The following GALNT13 variants were observed in gnomAD, a reference collection of about 807,000 sequenced individuals.
The protein encoded by GALNT13 is polypeptide N-acetylgalactosaminyltransferase 13.
A neutral mutation model predicts 64.2 loss-of-function variants in GALNT13; 28 were observed. The ratio of observed to expected loss-of-function variants is 0.44; its 90% CI spans 0.32 to 0.60. The LOEUF is 0.60. Ranked by LOEUF, GALNT13 falls within the 20% of genes least tolerant of loss-of-function variation. The pLI is 0.05. For synonymous variants in GALNT13, 214 were observed against 224.6 expected (o/e 0.95, Z 0.42); for missense variants, 577 against 669.8 (o/e 0.86, Z 1.53).
intron 4 of GALNT13, among the ~76,000 whole-genome samples, chr2:154,175,758 G>T (rs1685612272): frequency 6.6e-6 from 1 of 151,876 alleles, no homozygotes; most frequent in Admixed American, 6.6e-5. Context: ...TCTATCTTGA[G>T]GTACTTCTAA....
At chr2:153,278,277 T>A in the GALNT13 span, among the ~76,000 whole-genome samples, 5 of 152,154 alleles carry the variant, frequency 3.3e-5, no homozygotes, top group Non-Finnish European at 7.4e-5. Context: ...ATGCATAGTT[T>A]GCAAATATTT....
At chr2:154,313,413 TAG>T (rs1040432702) in intron 9 of GALNT13, among the ~76,000 whole-genome samples, 1 of 28,430 alleles carries the variant, frequency 3.5e-5, no homozygotes, top group South Asian at 2.2e-3. Context: ...ATACACCCAG[TAG>T]AGATATATAT....
intron 2 of GALNT13, among the ~76,000 whole-genome samples, chr2:153,935,580 T>C (rs1410193089): frequency 1.3e-5 from 2 of 152,136 alleles, no homozygotes; most frequent in African/African-American, 2.4e-5. Context: ...TTTGTTTAGG[T>C]GGGAGGAAGG....
chr2:153,401,623 A>C, the GALNT13 span, among the ~76,000 whole-genome samples: 9 of 151,080 alleles, frequency 6.0e-5, no homozygotes, highest in African/African-American at 2.2e-4. Context: ...TATTGGGTGC[A>C]TATATATTTA....
At position 154,242,682 on chromosome 2, in the gene GALNT13, C is replaced by T. The variant is rs946257841; in HGVS notation, c.479-16C>T. On this transcript the variant is annotated splice_polypyrimidine_tract_variant and intron_variant, in intron 5 of 12. Coordinates refer to ENST00000392825, the MANE Select transcript of GALNT13 (RefSeq NM_052917.4). ...GTTTCAAAAATTTTTCTTATAAATT[C>T]TTATACATGTTACAGATTTTCTCAA... 1 of 1,566,700 alleles carries T rather than the reference C, an allele frequency of 6.4e-7. No homozygotes were observed. Among genetic ancestry groups the T allele is most frequent in the Non-Finnish European group, 8.8e-7 (1 of 1,139,118 alleles).
chr2:153,086,472 A>G, the GALNT13 span, among the ~76,000 whole-genome samples: 16 of 152,018 alleles, frequency 1.1e-4, no homozygotes, highest in Admixed American at 9.2e-4. Flanking sequence ...TACTGTTCTC[A>G]TGGTGGTGAA....
chr2:153,252,652 T>G, the GALNT13 span, among the ~76,000 whole-genome samples: 33 of 152,306 alleles, frequency 2.2e-4, no homozygotes, highest in Non-Finnish European at 4.0e-4. Flanking sequence ...TTTTGTATAA[T>G]GTGTAAGGAA....
the GALNT13 span, among the ~76,000 whole-genome samples, chr2:153,257,486 A>G: frequency 6.6e-6 from 1 of 152,112 alleles, no homozygotes; most frequent in East Asian, 2.0e-4. Flanking sequence ...TCTAACAGGT[A>G]CTCTTAAATG....
chr2:153,357,103 C>T, the GALNT13 span, among the ~76,000 whole-genome samples: 2 of 151,856 alleles, frequency 1.3e-5, no homozygotes, highest in African/African-American at 4.8e-5. Flanking sequence ...CCACCGTGCC[C>T]GACAGAGATC....
At chr2:153,412,454 A>G in the GALNT13 span, among the ~76,000 whole-genome samples, 1 of 152,128 alleles carries the variant, frequency 6.6e-6, no homozygotes, top group Non-Finnish European at 1.5e-5. Context: ...CTGTATGTGG[A>G]CTGTTTTGTT....
the GALNT13 span, among the ~76,000 whole-genome samples, chr2:153,858,249 C>T: frequency 1.3e-5 from 2 of 152,052 alleles, no homozygotes; most frequent in Non-Finnish European, 2.9e-5. Context: ...CCAAGTAGGC[C>T]CCAATGATTT....
Position 154,292,863 on chromosome 2 carries a change from T to A in GALNT13, c.976-8546T>A, listed in dbSNP as rs144090224. On this transcript the variant is annotated intron_variant, in intron 8 of 12. Coordinates refer to ENST00000392825, the MANE Select transcript of GALNT13 (RefSeq NM_052917.4). ...ACATTGCAAAGTGGAGCTTATGAAG[T>A]TTATGAACTTTAATTAAAATGTCAC... is the stretch of plus-strand genomic sequence containing the variant. 2.2e-3 allele frequency among the ~76,000 whole-genome samples: 333 copies of A among 152,296 alleles called. 10 individuals carry two copies. Among genetic ancestry groups the A allele is most frequent in the Admixed American group, 0.019 (284 of 15,308 alleles).
At chr2:153,381,963 G>A in the GALNT13 span, among the ~76,000 whole-genome samples, 1 of 152,050 alleles carries the variant, frequency 6.6e-6, no homozygotes, top group African/African-American at 2.4e-5. Context: ...AGATTGTAGT[G>A]TGCAGGAAAA....
the GALNT13 span, chr2:153,762,554 C>G: frequency 1.6e-5 from 3 of 184,440 alleles, no homozygotes; most frequent in South Asian, 4.0e-4. Flanking sequence ...GGTGGTACTT[C>G]AAGGCCAGTT....
At chr2:154,152,724 G>A (rs1026653822) in intron 4 of GALNT13, among the ~76,000 whole-genome samples, 7 of 151,772 alleles carry the variant, frequency 4.6e-5, no homozygotes, top group Non-Finnish European at 5.9e-5. Flanking sequence ...TGATCGCATC[G>A]GCTCCTGACA....
the GALNT13 span, among the ~76,000 whole-genome samples, chr2:153,358,411 A>G: frequency 6.6e-6 from 1 of 152,186 alleles, no homozygotes; most frequent in Admixed American, 6.5e-5. Flanking sequence ...ATCCACAGGG[A>G]AGAAACCTGA....
At chr2:153,804,787 C>A in the GALNT13 span, among the ~76,000 whole-genome samples, 1 of 151,770 alleles carries the variant, frequency 6.6e-6, no homozygotes, top group Non-Finnish European at 1.5e-5. Context: ...AAATAAAGAG[C>A]AGAATCATGT....
At chr2:154,393,399 A>T (rs1217084300) in intron 9 of GALNT13, among the ~76,000 whole-genome samples, 1 of 152,164 alleles carries the variant, frequency 6.6e-6, no homozygotes, top group Non-Finnish European at 1.5e-5. Flanking sequence ...TTTCTCTCAC[A>T]GTTTGTTGGC....
the GALNT13 span, among the ~76,000 whole-genome samples, chr2:153,744,509 A>C: frequency 6.6e-6 from 1 of 152,054 alleles, no homozygotes; most frequent in South Asian, 2.1e-4. Flanking sequence ...TATTTTGCCT[A>C]TTTTTAATCA....
Sources: allele counts gnomAD v4.1 joint callset (sites outside exome capture counted in the v4.1 genomes callset), GRCh38; gene constraint gnomAD v4.1.1; transcripts MANE v1.5; gene names NCBI Gene and HGNC (gene_info 2026-07-23, HGNC 2026-07-21).